LMBR1: variants seen among roughly 807,000 people sequenced by gnomAD.
The protein encoded by LMBR1 is limb development membrane protein 1.
Under a neutral mutation model 73.9 loss-of-function variants are expected in LMBR1, and 52 were observed. That is an observed-to-expected ratio of 0.70 (90% confidence interval 0.56 to 0.89). LMBR1 has a LOEUF of 0.89. LMBR1 is among the 40% of genes least tolerant of loss of function. The pLI is 0.00. For missense variants in LMBR1, 539 were observed against 579.8 expected (o/e 0.93, Z 0.72); for synonymous variants, 215 against 209.4 (o/e 1.03, Z -0.23).
chr7:156,877,317 T>C (rs1179446670), intron 1 of LMBR1, among the ~76,000 whole-genome samples: 2 of 151,676 alleles, frequency 1.3e-5, no homozygotes, highest in Non-Finnish European at 2.9e-5. Context: ...AGCTGAATTC[T>C]ACCAGACAAA....
intron 15 of LMBR1, among the ~76,000 whole-genome samples, chr7:156,698,704 G>A (rs114523293): frequency 0.015 from 2,243 of 152,278 alleles, 56 homozygotes; most frequent in African/African-American, 0.051. Context: ...GGGACCCTGG[G>A]TCCAGCCCCA....
At chr7:156,845,518 A>G (rs1041727427) in intron 1 of LMBR1, among the ~76,000 whole-genome samples, 3 of 152,144 alleles carry the variant, frequency 2.0e-5, no homozygotes, top group African/African-American at 7.2e-5. Context: ...ATAATAGTAA[A>G]CGGGAAAAAC....
intron 9 of LMBR1, among the ~76,000 whole-genome samples, chr7:156,750,126 C>T (rs933257105): frequency 1.3e-5 from 2 of 152,046 alleles, no homozygotes; most frequent in African/African-American, 2.4e-5. Context: ...TAAAAGAACT[C>T]CGGAGGTTTT....
At chr7:156,699,914 G>A (rs1445110254) in intron 15 of LMBR1, among the ~76,000 whole-genome samples, 3 of 152,224 alleles carry the variant, frequency 2.0e-5, no homozygotes, top group African/African-American at 4.8e-5. Flanking sequence ...AGGTGCTGGA[G>A]AGGATGTGGA....
chr7:156,845,398 TAAC>T (rs375325709), intron 1 of LMBR1, among the ~76,000 whole-genome samples: 9 of 151,966 alleles, frequency 5.9e-5, no homozygotes, highest in Non-Finnish European at 1.2e-4. Context: ...GAAATTACCC[TAAC>T]AACAAGAAAA....
chr7:156,799,189 G>A (rs1012863604), intron 4 of LMBR1, among the ~76,000 whole-genome samples: 7 of 149,670 alleles, frequency 4.7e-5, no homozygotes, highest in Admixed American at 6.7e-5. Context: ...GCAACAGAGC[G>A]AGACTCCATC....
intron 4 of LMBR1, among the ~76,000 whole-genome samples, chr7:156,824,799 C>T (rs184748989): frequency 1.2e-3 from 187 of 151,110 alleles, no homozygotes; most frequent in Non-Finnish European, 2.3e-3. Flanking sequence ...CAGCCATGAT[C>T]GTGTCACTGC....
At chr7:156,849,828 G>C (rs958235643) in intron 1 of LMBR1, among the ~76,000 whole-genome samples, 1 of 152,034 alleles carries the variant, frequency 6.6e-6, no homozygotes, top group Non-Finnish European at 1.5e-5. Flanking sequence ...TGTAAACTAT[G>C]GAATCTAAGT....
At chr7:156,724,738 A>T (rs965377400) in intron 14 of LMBR1, among the ~76,000 whole-genome samples, 5 of 150,616 alleles carry the variant, frequency 3.3e-5, no homozygotes, top group African/African-American at 1.2e-4. Flanking sequence ...AAATATCTCA[A>T]CTACTTATTA....
chr7:156,822,069 T>C (rs1586031100), intron 4 of LMBR1, among the ~76,000 whole-genome samples: 1 of 152,200 alleles, frequency 6.6e-6, no homozygotes, highest in East Asian at 1.9e-4. Context: ...TTGCACAAAA[T>C]ACATGCCTTT....
chr7:156,755,020 C>T (rs1483924603), intron 9 of LMBR1, among the ~76,000 whole-genome samples: 2 of 152,186 alleles, frequency 1.3e-5, no homozygotes, highest in Non-Finnish European at 2.9e-5. Flanking sequence ...ATCTACCAAA[C>T]GGATGATAAA....
chr7:156,797,671 A>C (rs1830279898), intron 4 of LMBR1, among the ~76,000 whole-genome samples: 1 of 152,218 alleles, frequency 6.6e-6, no homozygotes, highest in Non-Finnish European at 1.5e-5. Flanking sequence ...AACTGTCCTA[A>C]TGTCCTTTGG....
In LMBR1 at chr7:156,725,540, GA is replaced by G. The variant is rs1259361437; in HGVS notation, c.1068-16del. On this transcript the variant is annotated splice_polypyrimidine_tract_variant and intron_variant, in intron 13 of 16. Coordinates refer to ENST00000353442, the MANE Select transcript of LMBR1 (RefSeq NM_022458.4). ...CCATAAGATAGCTGTGAGAATCAAGGAAAAAAACTCTCCAACAGAATGCAAG... is the reference window on the plus strand; with the variant it reads ...CCATAAGATAGCTGTGAGAATCAAGGAAAAAACTCTCCAACAGAATGCAAG... 5 of 1,540,630 alleles carry G rather than the reference GA, an allele frequency of 3.2e-6. No individual in the cohort carries two copies. The highest frequency in any genetic ancestry group is 3.8e-5 in the Admixed American group (2 of 52,286).
intron 1 of LMBR1, chr7:156,892,612 A>G (rs1159861019): frequency 8.5e-6 from 2 of 235,044 alleles, no homozygotes; most frequent in Non-Finnish European, 1.6e-5. Context: ...GCGGGAAGGG[A>G]AGGGCAGCAC....
At chr7:156,741,922 C>A (rs1467942050) in intron 9 of LMBR1, among the ~76,000 whole-genome samples, 2 of 151,912 alleles carry the variant, frequency 1.3e-5, no homozygotes, top group African/African-American at 2.4e-5. Flanking sequence ...TTAAAACATT[C>A]AAAAAATTGA....
rs558576496 is a variant in LMBR1 at position 156,870,581 on chromosome 7, C to T, written c.66+22347G>A. Among the ~76,000 whole-genome samples the T allele has an allele frequency of 1.3e-3, 202 of 152,040 alleles. 1 individual carries two copies. Among genetic ancestry groups the T allele is most frequent in the African/African-American group, 4.0e-3 (168 of 41,492 alleles). The stretch of plus-strand genomic sequence containing the variant: ...GAGATCGAGACCACCCTGGCTAACA[C>T]GGTGAAACCCCATCTCTACTAAAAA... On this transcript the variant is annotated intron_variant, in intron 1 of 16. Transcript: ENST00000353442.
intron 12 of LMBR1, among the ~76,000 whole-genome samples, chr7:156,727,166 T>A (rs189918777): frequency 1.1e-3 from 162 of 152,328 alleles, no homozygotes; most frequent in African/African-American, 3.7e-3. Flanking sequence ...TCTTCTCCCC[T>A]ACAGAAGCTT....
At chr7:156,804,572 C>T (rs1831653597) in intron 4 of LMBR1, among the ~76,000 whole-genome samples, 1 of 152,156 alleles carries the variant, frequency 6.6e-6, no homozygotes, top group Non-Finnish European at 1.5e-5. Context: ...TATCTTATTG[C>T]TGTTTTAATT....
At chr7:156,688,733 T>A (rs1806503892) in intron 15 of LMBR1, among the ~76,000 whole-genome samples, 1 of 152,194 alleles carries the variant, frequency 6.6e-6, no homozygotes, top group African/African-American at 2.4e-5. Flanking sequence ...GGACCTTCCA[T>A]GGCCTTCTAT....
Sources: gnomAD v4.1 joint callset for allele counts (sites outside exome capture counted in the v4.1 genomes callset) on GRCh38, gnomAD v4.1.1 for gene constraint, MANE v1.5 for transcripts, NCBI Gene and HGNC (gene_info 2026-07-23, HGNC 2026-07-21) for gene names.